Variants in MYO1H observed in about 807,000 individuals in gnomAD.
MYO1H encodes the protein unconventional myosin-Ih.
Under a neutral mutation model 149.3 loss-of-function variants are expected in MYO1H, and 118 were observed. The ratio of observed to expected loss-of-function variants is 0.79; its 90% CI spans 0.68 to 0.92. The LOEUF (loss-of-function observed/expected upper bound fraction) is 0.92, where lower values mean the gene tolerates loss of function less well. Ranked by LOEUF, MYO1H falls within the 40% of genes least tolerant of loss-of-function variation. MYO1H has a pLI of 0.00. For synonymous variants in MYO1H, 447 were observed against 465.2 expected (o/e 0.96, Z 0.50); for missense variants, 1,212 against 1,280.7 (o/e 0.95, Z 0.82).
chr12:109,327,804 C>T, the MYO1H span, among the ~76,000 whole-genome samples: 2 of 149,866 alleles, frequency 1.3e-5, no homozygotes, highest in Non-Finnish European at 3.0e-5. Context: ...TGTGGTGTCT[C>T]CAAAGTGCTT....
Position 109,363,824 on chromosome 12 carries a change from G to A in MYO1H, c.12+15852G>A, listed in dbSNP as rs569243397. On this transcript the variant is annotated intron_variant, in intron 1 of 31. Transcript: ENST00000310903. ...ATGCTGGTGGAGGAAAAACAGATAG[G>A]GTAACATAGCAAGACGAAAAAGAAA... 3.3e-5 allele frequency among the ~76,000 whole-genome samples: 5 copies of A among 152,130 alleles called. No homozygotes were observed. In the East Asian group the frequency reaches 7.7e-4, roughly 24 times the overall value.
At chr12:109,369,485 G>C (rs1485502151) in intron 1 of MYO1H, among the ~76,000 whole-genome samples, 1 of 152,194 alleles carries the variant, frequency 6.6e-6, no homozygotes, top group East Asian at 1.9e-4. Context: ...AGAGATGAGA[G>C]TGGCTTTTGC....
chr12:109,395,318 T>C (rs1422711099), intron 3 of MYO1H, among the ~76,000 whole-genome samples: 3 of 152,262 alleles, frequency 2.0e-5, no homozygotes, highest in African/African-American at 7.2e-5. Flanking sequence ...TTATTTAGTA[T>C]TTAGACAAGA....
chr12:109,422,901 C>T (rs1871233651), intron 16 of MYO1H, among the ~76,000 whole-genome samples: 1 of 151,850 alleles, frequency 6.6e-6, no homozygotes, highest in South Asian at 2.1e-4. Context: ...TGGTGAAACC[C>T]CATCCTTATC....
chr12:109,401,685 C>G (rs913833162), intron 6 of MYO1H, among the ~76,000 whole-genome samples: 2 of 152,146 alleles, frequency 1.3e-5, no homozygotes, highest in African/African-American at 4.8e-5. Flanking sequence ...GATAGAAACT[C>G]ACTGTCCAAC....
chr12:109,367,252 G>A (rs1388293776), intron 1 of MYO1H, among the ~76,000 whole-genome samples: 1 of 152,132 alleles, frequency 6.6e-6, no homozygotes, highest in African/African-American at 2.4e-5. Context: ...TTTACAAAGA[G>A]ACCATACAAA....
intron 7 of MYO1H, 42 bp from the exon 8 acceptor site, chr12:109,405,880 C>G: frequency 7.0e-7 from 1 of 1,420,520 alleles, no homozygotes; most frequent in South Asian, 1.2e-5. Flanking sequence ...TTCTCTTTCC[C>G]TGTCCTGATC....
chr12:109,311,613 G>T, the MYO1H span, among the ~76,000 whole-genome samples: 1 of 152,170 alleles, frequency 6.6e-6, no homozygotes, highest in Non-Finnish European at 1.5e-5. Flanking sequence ...CCTGTACTAG[G>T]TGATGCTTTC....
chr12:109,412,380 A>G (rs942500670), intron 14 of MYO1H, among the ~76,000 whole-genome samples: 3 of 151,600 alleles, frequency 2.0e-5, no homozygotes, highest in African/African-American at 7.3e-5. Flanking sequence ...CTGGTCTGGA[A>G]CTCCTGGCTT....
rs374918005 is a variant in MYO1H at position 109,404,716 on chromosome 12, G to A, written c.849+636G>A. Among the ~76,000 whole-genome samples the A allele has an allele frequency of 7.2e-5, 11 of 152,146 alleles. No individual in the cohort carries two copies. The South Asian group carries it at 2.1e-3, about 29-fold the overall frequency. Reference sequence around the variant, plus strand: ...AGGAAGAGTCAGTTTTTTTTCTCCTGTAAAGTAAGTCCAGTCTCAACAATT... The same window carrying A: ...AGGAAGAGTCAGTTTTTTTTCTCCTATAAAGTAAGTCCAGTCTCAACAATT... On this transcript the variant is annotated intron_variant, in intron 7 of 31. Transcript: ENST00000310903.
chr12:109,447,476 G>A (rs1199417659), exon 32 of MYO1H: 4 of 511,618 alleles, frequency 7.8e-6, no homozygotes, highest in Non-Finnish European at 1.4e-5. Flanking sequence ...AGTCCAACGT[G>A]TCATTAGAGG....
chr12:109,358,554 T>C (rs1344682207), intron 1 of MYO1H, among the ~76,000 whole-genome samples: 1 of 152,220 alleles, frequency 6.6e-6, no homozygotes, highest in African/African-American at 2.4e-5. Flanking sequence ...GGGACTGTTG[T>C]CCTAATTCTT....
chr12:109,440,065 T>G (rs1262573072), intron 24 of MYO1H, among the ~76,000 whole-genome samples: 1 of 151,688 alleles, frequency 6.6e-6, no homozygotes, highest in Non-Finnish European at 1.5e-5. Context: ...GATGGAGTCT[T>G]GCTCTGTCAC....
intron 10 of MYO1H, among the ~76,000 whole-genome samples, chr12:109,408,940 C>T (rs539934085): frequency 6.6e-6 from 1 of 152,296 alleles, no homozygotes; most frequent in South Asian, 2.1e-4. Flanking sequence ...AGGTGCATGC[C>T]ACCATGCCTG....
chr12:109,384,171 C>T (rs1869259769), intron 1 of MYO1H, among the ~76,000 whole-genome samples: 1 of 152,174 alleles, frequency 6.6e-6, no homozygotes, highest in Admixed American at 6.5e-5. Context: ...CCAGAGATGG[C>T]CATTCATTCC....
chr12:109,336,776 C>T, the MYO1H span, among the ~76,000 whole-genome samples: 1 of 151,876 alleles, frequency 6.6e-6, no homozygotes, highest in African/African-American at 2.4e-5. Context: ...GCCCAGTCCC[C>T]CACCAATTAC....
rs573084591 is a variant in MYO1H, at chr12:109,348,679, C to G, written c.12+707C>G. ...AACTTGAGTGTCAAACCTATTGCCT[C>G]TTTCCAGGAGTTAATTCTAAGCATA... On this transcript the variant is annotated intron_variant, in intron 1 of 31. Transcript: ENST00000310903. Among the ~76,000 whole-genome samples the G allele has an allele frequency of 2.0e-5, 3 of 152,200 alleles. 1 individual carries two copies. Among genetic ancestry groups the G allele is most frequent in the Non-Finnish European group, 4.4e-5 (3 of 68,034 alleles).
At chr12:109,311,603 C>T in the MYO1H span, among the ~76,000 whole-genome samples, 1 of 152,208 alleles carries the variant, frequency 6.6e-6, no homozygotes, top group African/African-American at 2.4e-5. Context: ...AATGAGGACA[C>T]CTGTACTAGG....
At chr12:109,402,202 T>C (rs73192600) in intron 6 of MYO1H, among the ~76,000 whole-genome samples, 5,554 of 152,306 alleles carry the variant, frequency 0.036, 128 homozygotes, top group Middle Eastern at 0.065. Context: ...CAATATTTGT[T>C]TTTCTGCAGC....
Sources: gnomAD v4.1 joint callset for allele counts (sites outside exome capture counted in the v4.1 genomes callset) on GRCh38, gnomAD v4.1.1 for gene constraint, MANE v1.5 for transcripts, NCBI Gene and HGNC (gene_info 2026-07-23, HGNC 2026-07-21) for gene names.